Variants in BABAM2 observed in about 807,000 individuals in gnomAD.
BABAM2 encodes the protein BRISC and BRCA1 A complex member 2.
A neutral mutation model predicts 54.7 loss-of-function variants in BABAM2; 31 were observed. The observed-to-expected ratio is 0.57, with a 90% confidence interval of 0.43 to 0.77. The LOEUF (loss-of-function observed/expected upper bound fraction) is 0.77. Among genes scored for constraint, BABAM2 ranks in the 30% least tolerant of loss-of-function variants. The pLI is 0.00. For missense variants in BABAM2, 364 were observed against 455.8 expected (o/e 0.80, Z 1.83); for synonymous variants, 167 against 162.9 (o/e 1.03, Z -0.19).
At chr2:28,060,329 T>C (rs143575254) in intron 6 of BABAM2, among the ~76,000 whole-genome samples, 14 of 152,264 alleles carry the variant, frequency 9.2e-5, no homozygotes, top group African/African-American at 3.1e-4. Context: ...CTTAGGAATC[T>C]AGGAATGGAA....
At chr2:27,918,118 T>G (rs1035374061) in intron 2 of BABAM2, among the ~76,000 whole-genome samples, 3 of 152,218 alleles carry the variant, frequency 2.0e-5, no homozygotes, top group African/African-American at 7.2e-5. Context: ...GTAACATAAA[T>G]TTACTATTTT....
In BABAM2 at chr2:28,206,575, C is replaced by T. The variant is rs372231837; in HGVS notation, c.681-30627C>T. On this transcript the variant is annotated intron_variant, in intron 7 of 11. Transcript: ENST00000379624. ...TGGTGAGCGGAGGCTGAAACCCCAC[C>T]AGTGCTCCACTCACCCAGCTGCTCT... 2.2e-4 allele frequency among the ~76,000 whole-genome samples: 33 copies of T among 152,246 alleles called. No homozygotes were observed. The East Asian group carries it at 5.8e-3, about 27-fold the overall frequency.
chr2:28,220,353 G>A (rs1680288186), intron 7 of BABAM2, among the ~76,000 whole-genome samples: 1 of 152,118 alleles, frequency 6.6e-6, no homozygotes, highest in Admixed American at 6.5e-5. Context: ...AATAAAAGAA[G>A]CTCTTAATAT....
At chr2:28,141,416 C>T (rs12618676) in intron 7 of BABAM2, among the ~76,000 whole-genome samples, 107,345 of 152,068 alleles carry the variant, frequency 0.71, 38,397 homozygotes, top group Middle Eastern at 0.8. Context: ...TGATATTTGC[C>T]TAAATAAGAA....
At chr2:28,096,878 G>C (rs1397906335) in intron 6 of BABAM2, among the ~76,000 whole-genome samples, 1 of 152,122 alleles carries the variant, frequency 6.6e-6, no homozygotes, top group East Asian at 1.9e-4. Flanking sequence ...TGGGCCAAAG[G>C]ATAAGGAGAG....
intron 10 of BABAM2, among the ~76,000 whole-genome samples, chr2:28,250,584 C>CTTTTTTTTTTTTTTTTT (rs34597279): frequency 1.3e-3 from 182 of 136,892 alleles, no homozygotes; most frequent in East Asian, 2.3e-3. Context: ...ATATTTTTTT[C>CTTTTTTTTTTTTTTTTT]TTTTTTTTTT....
intron 7 of BABAM2, among the ~76,000 whole-genome samples, chr2:28,135,816 CCTA>C (rs1670483774): frequency 6.6e-6 from 1 of 152,182 alleles, no homozygotes; most frequent in Non-Finnish European, 1.5e-5. Flanking sequence ...TCTTGTCATG[CCTA>C]CTATCATTAC....
At chr2:27,919,281 T>C (rs997909613) in intron 2 of BABAM2, among the ~76,000 whole-genome samples, 1 of 152,234 alleles carries the variant, frequency 6.6e-6, no homozygotes. Flanking sequence ...AAATTTTCTA[T>C]GTTCACAGTC....
intron 6 of BABAM2, among the ~76,000 whole-genome samples, chr2:28,090,541 A>G (rs1666075846): frequency 6.6e-6 from 1 of 152,090 alleles, no homozygotes; most frequent in African/African-American, 2.4e-5. Flanking sequence ...TGCACCCAGC[A>G]GTTTCTAGCT....
chr2:27,920,150 G>A (rs10173848), intron 2 of BABAM2, among the ~76,000 whole-genome samples: 1 of 151,906 alleles, frequency 6.6e-6, no homozygotes, highest in African/African-American at 2.4e-5. Context: ...AAAATCAACC[G>A]AGAAAATCTA....
intron 6 of BABAM2, among the ~76,000 whole-genome samples, chr2:28,068,776 A>G (rs188979517): frequency 1.3e-5 from 2 of 152,342 alleles, no homozygotes; most frequent in Admixed American, 1.3e-4. Flanking sequence ...GACTTTCAAC[A>G]TATGGCCCCG....
chr2:28,293,936 T>C (rs1687486444), intron 10 of BABAM2, among the ~76,000 whole-genome samples: 1 of 152,124 alleles, frequency 6.6e-6, no homozygotes, highest in Non-Finnish European at 1.5e-5. Context: ...GACCATCCCC[T>C]CTGTGGATGA....
intron 7 of BABAM2, among the ~76,000 whole-genome samples, chr2:28,221,127 T>C (rs1680371740): frequency 6.6e-6 from 1 of 152,032 alleles, no homozygotes; most frequent in African/African-American, 2.4e-5. Flanking sequence ...TCTCTCTCTC[T>C]CTCTCCACTG....
chr2:28,184,721 A>G (rs1336020361), intron 7 of BABAM2, among the ~76,000 whole-genome samples: 2 of 152,088 alleles, frequency 1.3e-5, no homozygotes, highest in African/African-American at 4.8e-5. Context: ...CCAGTCTATC[A>G]TTGATGGACA....
At chr2:27,922,204 TA>T (rs750584265) in intron 2 of BABAM2, among the ~76,000 whole-genome samples, 57 of 152,328 alleles carry the variant, frequency 3.7e-4, no homozygotes, top group Non-Finnish European at 7.1e-4. Context: ...TGAGTGTTAG[TA>T]ATATGCTAAA....
chr2:28,324,877 C>T (rs756264235), intron 11 of BABAM2, among the ~76,000 whole-genome samples: 33 of 152,128 alleles, frequency 2.2e-4, no homozygotes, highest in Non-Finnish European at 4.3e-4. Flanking sequence ...AATAGAATCA[C>T]CTGCCTGGTA....
intron 3 of BABAM2, among the ~76,000 whole-genome samples, chr2:27,937,666 C>A (rs1376333904): frequency 6.6e-6 from 1 of 151,790 alleles, no homozygotes; most frequent in Non-Finnish European, 1.5e-5. Context: ...GGATTATTTT[C>A]TTCTATTTAG....
At chr2:28,250,824 C>T (rs1479751163) in intron 10 of BABAM2, among the ~76,000 whole-genome samples, 2 of 152,114 alleles carry the variant, frequency 1.3e-5, no homozygotes. Flanking sequence ...TGGTCTTGAT[C>T]TCCTGACCTC....
intron 7 of BABAM2, among the ~76,000 whole-genome samples, chr2:28,155,657 A>C (rs1672477233): frequency 6.6e-6 from 1 of 152,224 alleles, no homozygotes; most frequent in Non-Finnish European, 1.5e-5. Context: ...CTAAAAACAA[A>C]TATTTGTGTG....
Sources: gnomAD v4.1 joint callset for allele counts (sites outside exome capture counted in the v4.1 genomes callset) on GRCh38, gnomAD v4.1.1 for gene constraint, MANE v1.5 for transcripts, NCBI Gene and HGNC (gene_info 2026-07-23, HGNC 2026-07-21) for gene names.